The following PDZD2 variants were observed in gnomAD, a reference collection of about 807,000 sequenced individuals.
PDZD2 encodes the protein PDZ domain-containing protein 2.
PDZD2 carries 90 observed loss-of-function variants against 220.7 expected under a neutral mutation model. That is an observed-to-expected ratio of 0.41 (90% confidence interval 0.34 to 0.49). The LOEUF (loss-of-function observed/expected upper bound fraction) is 0.49, where lower values mean the gene tolerates loss of function less well. Ranked by LOEUF, PDZD2 falls within the 20% of genes least tolerant of loss-of-function variation. The probability of loss-of-function intolerance (pLI) is 0.28; values close to 1 mark genes in which losing one functional copy is unlikely to be tolerated. For missense variants in PDZD2, 3,174 were observed against 3,608.5 expected (o/e 0.88, Z 3.08); for synonymous variants, 1,375 against 1,450.5 (o/e 0.95, Z 1.18).
At chr5:31,802,030 A>G (rs909366547) in intron 2 of PDZD2, among the ~76,000 whole-genome samples, 2 of 152,166 alleles carry the variant, frequency 1.3e-5, no homozygotes, top group African/African-American at 2.4e-5. Flanking sequence ...GAGGAATAGA[A>G]GGTGATGGGC....
intron 2 of PDZD2, among the ~76,000 whole-genome samples, chr5:31,879,150 G>A (rs1739619693): frequency 6.6e-6 from 1 of 151,872 alleles, no homozygotes; most frequent in East Asian, 2.0e-4. Flanking sequence ...CACTTTGGGA[G>A]GCCGAGGCGG....
At chr5:32,037,132 T>G in intron 6 of PDZD2, 99 bp from the exon 7 acceptor site, 1 of 727,312 alleles carries the variant, frequency 1.4e-6, no homozygotes, top group South Asian at 1.7e-5. Context: ...ACACCTGTAT[T>G]GCTGCTCCTT....
Position 32,058,041 on chromosome 5 carries a change from C to G in PDZD2, c.2138C>G (p.Ser713Cys), listed in dbSNP as rs775442054. The G allele has an allele frequency of 6.2e-7, 1 of 1,612,920 alleles. No homozygotes were observed. ...AGGSDEGSSS[S>C]LGRKTPGPKD... ...GGTTCCGATGAAGGCAGTTCTTCAT[C>G]CCTGGGTCGGAAGACCCCTGGGCCC... The change falls in exon 12 of 25, where the codon TCC becomes TGC. Residue 713 changes from serine (S) to cysteine (C), a missense_variant. Coordinates refer to ENST00000438447, the MANE Select transcript of PDZD2 (RefSeq NM_178140.4).
At chr5:32,003,264 ATG>A (rs1752461638) in intron 5 of PDZD2, among the ~76,000 whole-genome samples, 1 of 116,426 alleles carries the variant, frequency 8.6e-6, no homozygotes. Context: ...CACACACCAC[ATG>A]CCACACACAC....
chr5:31,701,229 C>T (rs1046673748), intron 1 of PDZD2, among the ~76,000 whole-genome samples: 36 of 152,202 alleles, frequency 2.4e-4, no homozygotes, highest in African/African-American at 8.4e-4. Flanking sequence ...CAGAGTCTCG[C>T]TCTATTACCC....
chr5:31,898,524 T>G (rs1741780005), intron 2 of PDZD2, among the ~76,000 whole-genome samples: 1 of 152,178 alleles, frequency 6.6e-6, no homozygotes, highest in African/African-American at 2.4e-5. Flanking sequence ...GAAGGCAGCT[T>G]CCCACCTTCC....
intron 1 of PDZD2, chr5:31,787,736 T>C (rs2150216329): frequency 6.6e-6 from 1 of 152,268 alleles, no homozygotes; most frequent in South Asian, 2.1e-4. Flanking sequence ...CTGAGGTTCC[T>C]TCTAGGTTCT....
intron 1 of PDZD2, among the ~76,000 whole-genome samples, chr5:31,661,169 G>A (rs1745747263): frequency 6.6e-6 from 1 of 152,208 alleles, no homozygotes; most frequent in South Asian, 2.1e-4. Flanking sequence ...ATTAAATGCA[G>A]GTCCTGGCTT....
At chr5:31,865,929 C>T (rs1561523251) in intron 2 of PDZD2, among the ~76,000 whole-genome samples, 1 of 149,734 alleles carries the variant, frequency 6.7e-6, no homozygotes, top group Admixed American at 6.7e-5. Context: ...CCGCACCTGC[C>T]CTTTTTTTTT....
Position 32,054,312 on chromosome 5 carries a change from C to CTTTTTTTT in PDZD2, c.1900+448_1900+455dup, listed in dbSNP as rs57135705. Among the ~76,000 whole-genome samples, 243 of 69,322 alleles carry CTTTTTTTT rather than the reference C, an allele frequency of 3.5e-3. 41 individuals carry two copies. The highest frequency in any genetic ancestry group is 0.026 in the Middle Eastern group (2 of 76). The allele number at this position is 69,322 out of a possible 152,430, so 45.5% of individuals were successfully genotyped here. The stretch of plus-strand genomic sequence containing the variant: ...CATAGTCTGGTTCCTAAATGAACAT[C>CTTTTTTTT]TTTTTTTTTTTTTTTTTTTTTTTTT... On this transcript the variant is annotated intron_variant, in intron 10 of 24. Transcript: ENST00000438447.
At chr5:31,869,530 C>G (rs972568653) in intron 2 of PDZD2, among the ~76,000 whole-genome samples, 3 of 151,946 alleles carry the variant, frequency 2.0e-5, no homozygotes, top group Admixed American at 1.3e-4. Context: ...CGCCACTGCA[C>G]TCCAGCCTGG....
intron 1 of PDZD2, among the ~76,000 whole-genome samples, chr5:31,701,610 C>T (rs1184640876): frequency 6.6e-6 from 1 of 152,126 alleles, no homozygotes; most frequent in Non-Finnish European, 1.5e-5. Flanking sequence ...TTTAGAAAAC[C>T]CACTGCCTGT....
intron 1 of PDZD2, among the ~76,000 whole-genome samples, chr5:31,763,585 T>C (rs1391898914): frequency 9.2e-5 from 14 of 152,060 alleles, no homozygotes; most frequent in Non-Finnish European, 2.1e-4. Context: ...ACGTGGAACA[T>C]TGAGAAGAAG....
intron 2 of PDZD2, among the ~76,000 whole-genome samples, chr5:31,852,689 C>T (rs868485574): frequency 1.3e-5 from 2 of 151,910 alleles, no homozygotes; most frequent in Non-Finnish European, 2.9e-5. Flanking sequence ...CTCTGCCTTC[C>T]GGGTTTAAGC....
intron 6 of PDZD2, among the ~76,000 whole-genome samples, chr5:32,035,291 A>G (rs1257939056): frequency 6.6e-6 from 1 of 151,300 alleles, no homozygotes; most frequent in Admixed American, 6.6e-5. Flanking sequence ...GATGGAGTCT[A>G]GCTCTGTCAC....
chr5:31,997,388 A>G (rs1751720183), intron 4 of PDZD2, among the ~76,000 whole-genome samples: 1 of 152,246 alleles, frequency 6.6e-6, no homozygotes, highest in Non-Finnish European at 1.5e-5. Context: ...CAGTTCTTTT[A>G]TTACAGAATA....
intron 2 of PDZD2, among the ~76,000 whole-genome samples, chr5:31,869,885 T>A (rs1177121995): frequency 6.6e-6 from 1 of 152,056 alleles, no homozygotes; most frequent in Non-Finnish European, 1.5e-5. Context: ...CTGTAGAAGG[T>A]GGTGATGGCG....
chr5:32,045,513 T>C (rs564909272), intron 7 of PDZD2, among the ~76,000 whole-genome samples: 1 of 151,828 alleles, frequency 6.6e-6, no homozygotes, highest in African/African-American at 2.4e-5. Flanking sequence ...CCTCCCCTTC[T>C]GGATTCAAGC....
At chr5:31,823,156 A>G (rs1580827910) in intron 2 of PDZD2, 2 of 18,090 alleles carry the variant, frequency 1.1e-4, no homozygotes, top group South Asian at 4.7e-4. Flanking sequence ...AGACGTGGCA[A>G]AAAAAAAAAA....
Sources: allele counts gnomAD v4.1 joint callset (sites outside exome capture counted in the v4.1 genomes callset), GRCh38; gene constraint gnomAD v4.1.1; transcripts MANE v1.5; gene names NCBI Gene and HGNC (gene_info 2026-07-23, HGNC 2026-07-21).